ITIH1: variants seen among roughly 807,000 people sequenced by gnomAD.
ITIH1 encodes the protein inter-alpha-trypsin inhibitor heavy chain H1.
ITIH1 carries 94 observed loss-of-function variants against 104.6 expected under a neutral mutation model. The ratio of observed to expected loss-of-function variants is 0.90; its 90% CI spans 0.76 to 1.07. The LOEUF is 1.07. Ranked by LOEUF, ITIH1 falls within the 50% of genes least tolerant of loss-of-function variation. ITIH1 has a pLI of 0.00. For missense variants in ITIH1, 1,193 were observed against 1,181.4 expected (o/e 1.01, Z -0.14); for synonymous variants, 455 against 464.4 (o/e 0.98, Z 0.26).
chr3:52,787,219 A>T lies in ITIH1; in HGVS notation c.1903+17A>T. 23 of 1,613,710 alleles carry T rather than the reference A, an allele frequency of 1.4e-5. No homozygotes were observed. The highest frequency in any genetic ancestry group is 1.8e-5 in the Non-Finnish European group (21 of 1,180,004). On this transcript the variant is annotated intron_variant, in intron 15 of 21. Coordinates refer to ENST00000273283, the MANE Select transcript of ITIH1 (RefSeq NM_002215.4). Reference sequence around the variant, plus strand: ...CGCCTTTGGGTGAGTTTTAAATTGCATTAGTTTCAGTTCTGGGCTTCGGTA... The same window carrying T: ...CGCCTTTGGGTGAGTTTTAAATTGCTTTAGTTTCAGTTCTGGGCTTCGGTA...
chr3:52,781,201 T>C lies in ITIH1; in HGVS notation c.688-739T>C, dbSNP rs1198234460. Reference sequence around the variant, plus strand: ...CCTCCTTCACCTCCTCCTCTTCTTTTTTTTTTTTTCTTCTTCTTCTTCTTC... The same window carrying C: ...CCTCCTTCACCTCCTCCTCTTCTTTCTTTTTTTTTCTTCTTCTTCTTCTTC... On this transcript the variant is annotated intron_variant, in intron 6 of 21. Transcript: ENST00000273283. 2.7e-4 allele frequency among the ~76,000 whole-genome samples: 19 copies of C among 70,202 alleles called. 1 individual carries two copies. The highest frequency in any genetic ancestry group is 4.7e-4 in the Non-Finnish European group (16 of 34,154). 46.1% of individuals were successfully genotyped at this position (70,202 alleles called of 152,430 possible). A position where few individuals can be genotyped will look rare whatever the true frequency, so the allele number is the denominator to read the frequency against.
Position 52,779,395 on chromosome 3 carries a change from T to A in ITIH1, c.411-37T>A. Reference sequence around the variant, plus strand: ...ACAAGGACCCAAATGTCATTTACCCTCTGTCTGTCTGCTGTTGCCTCTGGT... The same window carrying A: ...ACAAGGACCCAAATGTCATTTACCCACTGTCTGTCTGCTGTTGCCTCTGGT... On this transcript the variant is annotated intron_variant, in intron 4 of 21. Coordinates refer to ENST00000273283, the MANE Select transcript of ITIH1 (RefSeq NM_002215.4). This position sits in a 1 kb window ranked among gnomAD's most constrained non-coding sequence, Gnocchi z 4.4. 6.2e-7 allele frequency: 1 copy of A among 1,611,264 alleles called. No individual in the cohort carries two copies. Among genetic ancestry groups the A allele is most frequent in the South Asian group, 1.1e-5 (1 of 91,024 alleles).
intron 6 of ITIH1, 43 bp downstream of exon 6, chr3:52,780,425 C>A: frequency 7.4e-7 from 1 of 1,350,430 alleles, no homozygotes; most frequent in Non-Finnish European, 1.1e-6. Context: ...CCTTTGGAGA[C>A]TTCTCAGCCT....
Position 52,777,678 on chromosome 3 carries a change from C to G in ITIH1, c.63C>G (p.Ile21Met), listed in dbSNP as rs772156041. 1 of 1,606,566 alleles carries G rather than the reference C, an allele frequency of 6.2e-7. No individual in the cohort carries two copies. The highest frequency in any genetic ancestry group is 1.7e-5 in the Admixed American group (1 of 58,620). ...GCATGTACCTGGTATCTCTCCTCAT[C>G]CTGCAGGCCATGCCTGCCCTGGGCT... ...LLCMYLVSLL[I>M]LQAMPALGSA... Residue 21 changes from isoleucine to methionine, a missense_variant, in exon 1 of 22, where the codon ATC becomes ATG. By Grantham distance (10) the Ile-to-Met change is conservative (BLOSUM62 1). Transcript: ENST00000273283.
rs1257550899 is a variant in ITIH1 at position 52,789,942 on chromosome 3, GC to G, written c.2321+90del. 3 of 1,362,872 alleles carry G rather than the reference GC, an allele frequency of 2.2e-6. No homozygotes were observed. The African/African-American group carries it at 4.3e-5, about 20-fold the overall frequency. 84.4% of individuals were successfully genotyped at this position (1,362,872 alleles called of 1,614,324 possible). A position where few individuals can be genotyped will look rare whatever the true frequency, so the allele number is the denominator to read the frequency against. Reference sequence around the variant, plus strand: ...GAGTCTGCAGGGCCCTCGTCCCTGAGCCATGTCTGTGGGTGACACCCATGTG... The same window carrying G: ...GAGTCTGCAGGGCCCTCGTCCCTGAGCATGTCTGTGGGTGACACCCATGTG... On this transcript the variant is annotated intron_variant, in intron 19 of 21. Coordinates refer to ENST00000273283, the MANE Select transcript of ITIH1 (RefSeq NM_002215.4).
At chr3:52,778,586 G>A in intron 3 of ITIH1, 80 bp downstream of exon 3, 1 of 1,582,412 alleles carries the variant, frequency 6.3e-7, no homozygotes, top group Non-Finnish European at 8.6e-7. Flanking sequence ...GATCGGAGTG[G>A]CCAGATAACG....
In ITIH1 at chr3:52,784,355, C is replaced by T. The variant is rs1338455375; in HGVS notation, c.1285C>T (p.Pro429Ser). The T allele has an allele frequency of 6.2e-7, 1 of 1,614,054 alleles. No individual in the cohort carries two copies. The highest frequency in any genetic ancestry group is 1.3e-5 in the African/African-American group (1 of 74,930). The change falls in exon 11 of 22, where the codon CCG becomes TCG. Residue 429 changes from proline (P) to serine (S), a missense_variant. Transcript: ENST00000273283. ...CCGCAACGCCATCCGGGGCAGGTTC[C>T]CGCTCTACAACCTGGGTTTCGGCCA... ...NVRNAIRGRFPLYNLGFGHNV... is the reference protein window; with the variant it reads ...NVRNAIRGRFSLYNLGFGHNV...
chr3:52,786,828 T>C, intron 13 of ITIH1, 117 bp from the exon 14 acceptor site: 1 of 1,239,092 alleles, frequency 8.1e-7, no homozygotes, highest in South Asian at 1.5e-5. Flanking sequence ...GGGGGCTTAA[T>C]ACTTATGTGT....
Position 52,779,916 on chromosome 3 carries a change from G to A in ITIH1, c.573+322G>A. The A allele has an allele frequency of 7.2e-7, 1 of 1,379,520 alleles. No individual in the cohort carries two copies. The highest frequency in any genetic ancestry group is 1.5e-5 in the South Asian group (1 of 64,520). The allele number at this position is 1,379,520 out of a possible 1,614,324, so 85.5% of individuals were successfully genotyped here. A position where few individuals can be genotyped will look rare whatever the true frequency, so the allele number is the denominator to read the frequency against. On this transcript the variant is annotated intron_variant, in intron 5 of 21. Transcript: ENST00000273283. This position sits in a 1 kb window ranked among gnomAD's most constrained non-coding sequence, Gnocchi z 4.4. ...CTAGAAAGTCCCGCGCAGCCTGAGG[G>A]CCTGGAATTATTGCTGGCACCTAAG...
At chr3:52,785,582 T>C (rs576584655) in intron 12 of ITIH1, among the ~76,000 whole-genome samples, 11 of 152,258 alleles carry the variant, frequency 7.2e-5, no homozygotes, top group Non-Finnish European at 1.2e-4. Flanking sequence ...GTGCCAGGCT[T>C]TGTGCCATGG....
intron 6 of ITIH1, among the ~76,000 whole-genome samples, chr3:52,781,287 CTCTTCT>C (rs140379566): frequency 9.9e-5 from 7 of 71,062 alleles, no homozygotes; most frequent in African/African-American, 2.7e-4. Flanking sequence ...CTTCTTCTTC[CTCTTCT>C]TCTTCTTCTG....
chr3:52,782,748 T>G (rs1699095667), intron 8 of ITIH1, among the ~76,000 whole-genome samples: 1 of 152,122 alleles, frequency 6.6e-6, no homozygotes. Flanking sequence ...ATTATTTCTT[T>G]TCCCCATGGT....
chr3:52,792,035 G>A lies in ITIH1; in HGVS notation c.*124G>A. 1 of 1,141,690 alleles carries A rather than the reference G, an allele frequency of 8.8e-7. No homozygotes were observed. The highest frequency in any genetic ancestry group is 1.6e-5 in the South Asian group (1 of 63,328). 70.7% of individuals were successfully genotyped at this position (1,141,690 alleles called of 1,614,324 possible). A position where few individuals can be genotyped will look rare whatever the true frequency, so the allele number is the denominator to read the frequency against. ...GGTTCCTTGTGTCAAAGCACCTCAT[G>A]CCTTCCATTAAAGAGAGGCCGTGTC... On this transcript the variant is annotated 3_prime_UTR_variant, in exon 22 of 22. Transcript: ENST00000273283.
chr3:52,784,953 T>C, intron 11 of ITIH1, 91 bp from the exon 12 acceptor site: 1 of 1,317,020 alleles, frequency 7.6e-7, no homozygotes, highest in South Asian at 1.3e-5. Context: ...CTTCTCTAAC[T>C]TGGGAATTCC....
Position 52,777,717 on chromosome 3 carries a change from G to A in ITIH1, c.102G>A (p.Arg34=), listed in dbSNP as rs1402923598. The A allele has an allele frequency of 1.9e-6, 3 of 1,590,926 alleles. No individual in the cohort carries two copies. Among genetic ancestry groups the A allele is most frequent in the Non-Finnish European group, 2.6e-6 (3 of 1,169,562 alleles). ...CTGCCCTGGGCTCGGCTACAGGCAG[G>A]TCCAAGAGCAGCGAGGTATATGGCT... ...AMPALGSATG[R]SKSSEKRQAV... The change falls in exon 1 of 22, where the codon AGG becomes AGA. Residue 34 remains arginine (R), a synonymous_variant. Coordinates refer to ENST00000273283, the MANE Select transcript of ITIH1 (RefSeq NM_002215.4).
chr3:52,789,237 G>A (rs1250302495), intron 18 of ITIH1, among the ~76,000 whole-genome samples: 3 of 152,204 alleles, frequency 2.0e-5, no homozygotes, highest in Non-Finnish European at 2.9e-5. Flanking sequence ...AGCATGAGAC[G>A]TGCTGGGTTG....
In ITIH1 at chr3:52,780,324, C is replaced by T; in HGVS notation, c.629C>T (p.Ser210Phe). Residue 210 changes from serine (S) to phenylalanine (F), a missense_variant, in exon 6 of 22, where the codon TCT becomes TTT. By Grantham distance (155) the Ser-to-Phe change is radical (BLOSUM62 -2). Coordinates refer to ENST00000273283, the MANE Select transcript of ITIH1 (RefSeq NM_002215.4). Reference sequence around the variant, plus strand: ...ATCAGCAAGCTGGATGCCCAGGCCTCTTTCCTGCCGAAGGAACTGGCAGCC... The same window carrying T: ...ATCAGCAAGCTGGATGCCCAGGCCTTTTTCCTGCCGAAGGAACTGGCAGCC... ...QGISKLDAQASFLPKELAAQT... is the reference protein window; with the variant it reads ...QGISKLDAQAFFLPKELAAQT... 1 of 1,614,152 alleles carries T rather than the reference C, an allele frequency of 6.2e-7. No individual in the cohort carries two copies. Among genetic ancestry groups the T allele is most frequent in the Non-Finnish European group, 8.5e-7 (1 of 1,180,012 alleles).
At position 52,780,401 on chromosome 3, in the gene ITIH1, G is replaced by T. The variant is rs756345902; in HGVS notation, c.687+19G>T. On this transcript the variant is annotated intron_variant, in intron 6 of 21. Transcript: ENST00000273283. ...AAAAAAGGTACATGGGATAGCAAGG[G>T]GGTGGTGGTGGGCCCTTTGGAGACT... 6.5e-7 allele frequency: 1 copy of T among 1,549,264 alleles called. No homozygotes were observed. Among genetic ancestry groups the T allele is most frequent in the East Asian group, 2.3e-5 (1 of 44,392 alleles).
chr3:52,778,105 T>C, intron 2 of ITIH1, 88 bp downstream of exon 2: 2 of 1,457,868 alleles, frequency 1.4e-6, no homozygotes, highest in Non-Finnish European at 1.9e-6. Flanking sequence ...GACCCCTCTA[T>C]CAGGGCCATA....
Sources: allele counts gnomAD v4.1 joint callset (sites outside exome capture counted in the v4.1 genomes callset), GRCh38; gene constraint gnomAD v4.1.1; non-coding constraint Gnocchi (gnomAD v3.1); transcripts MANE v1.5; gene names NCBI Gene and HGNC (gene_info 2026-07-23, HGNC 2026-07-21).